The following PLAA variants were observed in gnomAD, a reference collection of about 807,000 sequenced individuals.
PLAA encodes the protein phospholipase A2 activating protein.
PLAA carries 48 observed loss-of-function variants against 84.1 expected under a neutral mutation model. The observed-to-expected ratio is 0.57, with a 90% CI of 0.45 to 0.73. The LOEUF (loss-of-function observed/expected upper bound fraction) is 0.73. Among genes scored for constraint, PLAA ranks in the 30% least tolerant of loss-of-function variants. The pLI, the probability that PLAA is intolerant of heterozygous loss-of-function variation, is 0.00. For synonymous variants in PLAA, 392 were observed against 336.6 expected (o/e 1.16, Z -1.80); for missense variants, 903 against 954.7 (o/e 0.95, Z 0.71).
chr9:26,943,650 T>G (rs987195843), intron 1 of PLAA, among the ~76,000 whole-genome samples: 5 of 152,256 alleles, frequency 3.3e-5, no homozygotes, highest in African/African-American at 1.2e-4. Flanking sequence ...TTAACTCTAT[T>G]AATATGCTGT....
In PLAA at chr9:26,943,903, G is replaced by T. The variant is rs994840543; in HGVS notation, c.149+2994C>A. Among the ~76,000 whole-genome samples, 63 of 152,186 alleles carry T rather than the reference G, an allele frequency of 4.1e-4. 2 individuals are homozygous for T. Among genetic ancestry groups the T allele is most frequent in the African/African-American group, 1.5e-3 (63 of 41,432 alleles). ...AGAAGGTCGAGGCTGCAATAAGGCA[G>T]TGATCATGCCATTGCATTCCAGCCT... On this transcript the variant is annotated intron_variant, in intron 1 of 13. Coordinates refer to ENST00000397292, the MANE Select transcript of PLAA (RefSeq NM_001031689.3).
Position 26,919,368 on chromosome 9 carries a change from A to G in PLAA, c.1359T>C (p.Asp453=). 2 of 1,612,878 alleles carry G rather than the reference A, an allele frequency of 1.2e-6. No individual in the cohort carries two copies. The highest frequency in any genetic ancestry group is 1.7e-6 in the Non-Finnish European group (2 of 1,179,682). The change falls in exon 9 of 14, where the codon GAT becomes GAC. Residue 453 remains aspartate, a synonymous_variant. Transcript: ENST00000397292. ...GTCCCAACATTTGACCTTTTGTGTT[A>G]TCAATAATAAATTTAGCTACTTGAT... ...FLDQVAKFII[D]NTKGQMLGLG...
chr9:26,922,469 T>G (rs570254177), intron 7 of PLAA, among the ~76,000 whole-genome samples: 8 of 152,140 alleles, frequency 5.3e-5, no homozygotes, highest in Admixed American at 1.3e-4. Flanking sequence ...ATTACAAAAA[T>G]TAGTTTTGAC....
chr9:26,923,282 G>A lies in PLAA; in HGVS notation c.935C>T (p.Ala312Val), dbSNP rs1369443864. 6.2e-7 allele frequency: 1 copy of A among 1,613,636 alleles called. No individual in the cohort carries two copies. The highest frequency in any genetic ancestry group is 8.5e-7 in the Non-Finnish European group (1 of 1,179,728). The stretch of plus-strand genomic sequence containing the variant: ...TGCGTGAGACAGTTCTTTTTCAAAA[G>A]CCTTGATTTCTTCAGCACTTGCTGT... ...DRTASAEEIK[A>V]FEKELSHATI... Residue 312 changes from alanine to valine, a missense_variant, in exon 7 of 14, where the codon GCT (alanine) becomes GTT (valine). Coordinates refer to ENST00000397292, the MANE Select transcript of PLAA (RefSeq NM_001031689.3).
rs369349269 is a variant in PLAA, at chr9:26,925,971, T to C, written c.734-11A>G. The C allele has an allele frequency of 6.2e-7, 1 of 1,604,508 alleles. No homozygotes were observed. Among genetic ancestry groups the C allele is most frequent in the Non-Finnish European group, 8.5e-7 (1 of 1,171,446 alleles). On this transcript the variant is annotated splice_polypyrimidine_tract_variant and intron_variant, in intron 5 of 13. Transcript: ENST00000397292. ...CTGTTGTCACAAAGTCTAAAATTAATGAATATAGGAAGTATTAGTTTGAAT... is the reference window on the plus strand; with the variant it reads ...CTGTTGTCACAAAGTCTAAAATTAACGAATATAGGAAGTATTAGTTTGAAT...
At chr9:26,930,168 G>C (rs1428843106) in intron 2 of PLAA, among the ~76,000 whole-genome samples, 1 of 147,400 alleles carries the variant, frequency 6.8e-6, no homozygotes, top group African/African-American at 2.5e-5. Context: ...GCAGCTGTGT[G>C]ATCTCGGCTC....
rs964917210 is a variant in PLAA at position 26,923,194 on chromosome 9, T to C, written c.1023A>G (p.Glu341=). Residue 341 remains glutamate (E), a synonymous_variant, in exon 7 of 14, where the codon GAA becomes GAG. Coordinates refer to ENST00000397292, the MANE Select transcript of PLAA (RefSeq NM_001031689.3). The part of the protein sequence containing the change: ...DINAEQLPGR[E]HLNEPGTREG... The stretch of plus-strand genomic sequence containing the variant: ...AATACTTACCAGGTTCATTAAGATG[T>C]TCCCTCCCAGGAAGCTGCTCAGCAT... The C allele has an allele frequency of 2.5e-6, 4 of 1,597,648 alleles. No individual in the cohort carries two copies. The highest frequency in any genetic ancestry group is 3.4e-6 in the Non-Finnish European group (4 of 1,169,696).
chr9:26,934,881 C>T (rs1044919391), intron 2 of PLAA, 132 bp downstream of exon 2: 7 of 645,740 alleles, frequency 1.1e-5, no homozygotes, highest in East Asian at 3.0e-5. Context: ...AGCCCAAAAG[C>T]GTTTCCATTA....
chr9:26,911,457 T>G (rs1824395893), intron 11 of PLAA, among the ~76,000 whole-genome samples: 1 of 152,164 alleles, frequency 6.6e-6, no homozygotes, highest in Admixed American at 6.5e-5. Context: ...AGCCTAATTT[T>G]TGCATTGTTT....
intron 1 of PLAA, among the ~76,000 whole-genome samples, chr9:26,939,484 C>CAAAAAAAAAAAAAAAAAAAAAAAAACA (rs58833364): frequency 1.3e-5 from 1 of 76,918 alleles, no homozygotes. Flanking sequence ...GATGAGAGAC[C>CAAAAAAAAAAAAAAAAAAAAAAAAACA]AAAAAAAAAA....
chr9:26,945,401 AC>A (rs1825661394), intron 1 of PLAA, among the ~76,000 whole-genome samples: 2 of 152,240 alleles, frequency 1.3e-5, no homozygotes, highest in South Asian at 4.1e-4. Flanking sequence ...CTGTACTCAA[AC>A]AAAAAGTTCC....
At chr9:26,930,077 T>C (rs1825125660) in intron 2 of PLAA, among the ~76,000 whole-genome samples, 1 of 151,946 alleles carries the variant, frequency 6.6e-6, no homozygotes, top group Admixed American at 6.6e-5. Flanking sequence ...GCACATGCTT[T>C]TAAAAGCCAG....
At chr9:26,927,127 C>T (rs373636599) in intron 4 of PLAA, among the ~76,000 whole-genome samples, 34 of 136,754 alleles carry the variant, frequency 2.5e-4, no homozygotes, top group East Asian at 9.4e-4. Flanking sequence ...TTTTGTTTTT[C>T]TTTTTTTTTT....
intron 7 of PLAA, among the ~76,000 whole-genome samples, chr9:26,921,882 T>C (rs1427773075): frequency 2.0e-5 from 3 of 152,238 alleles, no homozygotes; most frequent in Non-Finnish European, 4.4e-5. Context: ...ACTAAGTTCC[T>C]GGTGGAGATA....
At chr9:26,927,431 C>T (rs1409841410) in intron 4 of PLAA, among the ~76,000 whole-genome samples, 1 of 152,052 alleles carries the variant, frequency 6.6e-6, no homozygotes, top group Non-Finnish European at 1.5e-5. Context: ...CCAAAAGATA[C>T]TTTTATCTGT....
At chr9:26,927,819 T>C (rs1344273547) in intron 4 of PLAA, among the ~76,000 whole-genome samples, 2 of 152,192 alleles carry the variant, frequency 1.3e-5, no homozygotes. Context: ...TATAACTATA[T>C]ACCAAAAATT....
chr9:26,945,798 C>G (rs879359181), intron 1 of PLAA, among the ~76,000 whole-genome samples: 1 of 152,220 alleles, frequency 6.6e-6, no homozygotes, highest in African/African-American at 2.4e-5. Context: ...CCAATTCAAT[C>G]CTCCCTATTT....
In PLAA at chr9:26,925,837, A is replaced by G; in HGVS notation, c.857T>C (p.Val286Ala). Residue 286 changes from valine to alanine, a missense_variant, in exon 6 of 14, where the codon GTG becomes GCG. Physicochemically the swap from Val to Ala is moderately conservative, Grantham distance 64 (BLOSUM62 0). Transcript: ENST00000397292. The stretch of plus-strand genomic sequence containing the variant: ...AGAATATAAATACCTCGCACCAACC[A>G]CAATGTCACCATTGTCGAGCACACA... ...CCCVLDNGDI[V>A]VGASDGIIRV... The G allele has an allele frequency of 1.2e-6, 2 of 1,613,962 alleles. No homozygotes were observed. Among genetic ancestry groups the G allele is most frequent in the Non-Finnish European group, 1.7e-6 (2 of 1,179,936 alleles).
Position 26,947,035 on chromosome 9 carries a change from C to A in PLAA, c.11G>T (p.Gly4Val). Residue 4 changes from glycine (G) to valine (V), a missense_variant, in exon 1 of 14, where the codon GGC becomes GTC. Physicochemically the swap from Gly to Val is moderately radical, Grantham distance 109 (BLOSUM62 -3). Coordinates refer to ENST00000397292, the MANE Select transcript of PLAA (RefSeq NM_001031689.3). Reference sequence around the variant, plus strand: ...GCAGCTCAGCCGGTACCTGGTTGCGCCGCTCGTCATGGCCAGTGTCTGTCT... The same window carrying A: ...GCAGCTCAGCCGGTACCTGGTTGCGACGCTCGTCATGGCCAGTGTCTGTCT... MTS[G>V]ATRYRLSCSL... 1 of 1,584,716 alleles carries A rather than the reference C, an allele frequency of 6.3e-7. No homozygotes were observed. The highest frequency in any genetic ancestry group is 1.2e-5 in the South Asian group (1 of 86,522).
Sources: allele counts gnomAD v4.1 joint callset (sites outside exome capture counted in the v4.1 genomes callset), GRCh38; gene constraint gnomAD v4.1.1; transcripts MANE v1.5; gene names NCBI Gene and HGNC (gene_info 2026-07-23, HGNC 2026-07-21).